BEND2: variants seen among roughly 807,000 people sequenced by gnomAD.
BEND2 encodes BEN domain containing 2, also known as BEN domain-containing protein 2.
In BEND2, 19 loss-of-function variants were observed where a neutral mutation model predicts 43.8. The observed-to-expected ratio is 0.43, with a 90% CI of 0.30 to 0.64. The LOEUF (loss-of-function observed/expected upper bound fraction) is 0.64, where lower values mean the gene tolerates loss of function less well. BEND2 is among the 30% of genes least tolerant of loss of function. The pLI, the probability that BEND2 is intolerant of heterozygous loss-of-function variation, is 0.11. For synonymous variants in BEND2, 226 were observed against 210.1 expected (o/e 1.08, Z -0.66); for missense variants, 544 against 574.0 (o/e 0.95, Z 0.53).
At chrX:18,216,003 TAATG>T (rs1925662902) in intron 2 of BEND2, among the ~76,000 whole-genome samples, 1 of 111,965 alleles carries the variant, frequency 8.9e-6, no homozygotes, top group African/African-American at 3.2e-5. Context: ...TCTTGGATGC[TAATG>T]TAAATTTCAA....
At chrX:18,201,592 A>G (rs945598298) in intron 6 of BEND2, among the ~76,000 whole-genome samples, 2 of 107,523 alleles carry the variant, frequency 1.9e-5, no homozygotes, top group African/African-American at 6.7e-5. Flanking sequence ...TCTGGGTTCA[A>G]GTGATTCTCC....
chrX:18,196,175 T>G (rs1278781344), intron 6 of BEND2, among the ~76,000 whole-genome samples: 1 of 109,071 alleles, frequency 9.2e-6, no homozygotes, highest in Non-Finnish European at 1.9e-5. Context: ...GGTGGGTGCC[T>G]GTAATCCCAG....
intron 4 of BEND2, among the ~76,000 whole-genome samples, chrX:18,212,081 T>C (rs1925520242): frequency 1.0e-5 from 1 of 98,959 alleles, no homozygotes; most frequent in Non-Finnish European, 2.0e-5. Context: ...GATGAAAATG[T>C]TTATTACTGT....
chrX:18,177,054 A>C (rs1017613634), intron 10 of BEND2, among the ~76,000 whole-genome samples: 2 of 110,673 alleles, frequency 1.8e-5, no homozygotes, highest in African/African-American at 6.6e-5. Flanking sequence ...AGCTCCTCAT[A>C]GGCAGAAACA....
intron 2 of BEND2, among the ~76,000 whole-genome samples, chrX:18,214,180 G>C (rs953699469): frequency 9.0e-6 from 1 of 111,106 alleles, no homozygotes; most frequent in Non-Finnish European, 1.9e-5. Context: ...AGCTACACAG[G>C]AGCTGAGCCA....
Position 18,174,211 on chromosome X carries a change from T to C in BEND2, c.1800A>G (p.Ala600=), listed in dbSNP as rs1884402708. Residue 600 remains alanine (A), a synonymous_variant, in exon 12 of 14, where the codon GCA becomes GCG. Coordinates refer to ENST00000380033, the MANE Select transcript of BEND2 (RefSeq NM_153346.5). ...CCCTTTGGTCATTTCTATCTGCAGATGCCGATGCAACACGGTTGGTACGTT... is the reference window on the plus strand; with the variant it reads ...CCCTTTGGTCATTTCTATCTGCAGACGCCGATGCAACACGGTTGGTACGTT... ...NKKRTNRVAS[A]SADRNDQRGR... 8.3e-7 allele frequency: 1 copy of C among 1,211,929 alleles called. No homozygotes were observed. Among genetic ancestry groups the C allele is most frequent in the Non-Finnish European group, 1.1e-6 (1 of 895,519 alleles).
At chrX:18,190,766 TCA>T (rs1300015009) in intron 8 of BEND2, among the ~76,000 whole-genome samples, 22 of 92,967 alleles carry the variant, frequency 2.4e-4, no homozygotes, top group South Asian at 1.1e-3. Context: ...TCTCTCTCTC[TCA>T]CACACACACA....
At chrX:18,218,689 CCT>C (rs755582303) in intron 1 of BEND2, among the ~76,000 whole-genome samples, 332 of 111,803 alleles carry the variant, frequency 3.0e-3, no homozygotes, top group Non-Finnish European at 4.3e-3. Context: ...ACAGTGAAAC[CCT>C]GTCTCTACCA....
At position 18,209,507 on chromosome X, in the gene BEND2, T is replaced by A. The variant is rs192841456; in HGVS notation, c.492+3058A>T. On this transcript the variant is annotated intron_variant, in intron 4 of 13. Transcript: ENST00000380033. ...AAGTGATCAATGTTAACATCACCAA[T>A]AAAAAAAATATCAACACCACCTATC... Among the ~76,000 whole-genome samples, 741 of 111,079 alleles carry A rather than the reference T, an allele frequency of 6.7e-3. 3 individuals carry two copies. The highest frequency in any genetic ancestry group is 0.012 in the Non-Finnish European group (612 of 52,861).
At chrX:18,170,020 T>C (rs1923927271) in intron 13 of BEND2, among the ~76,000 whole-genome samples, 1 of 112,077 alleles carries the variant, frequency 8.9e-6, no homozygotes, top group Admixed American at 9.5e-5. Flanking sequence ...CATTTCAGAA[T>C]TGCCTACAAA....
In BEND2 at chrX:18,190,762, T is replaced by A. The variant is rs868248804; in HGVS notation, c.1288+239A>T. Among the ~76,000 whole-genome samples, 476 of 87,667 alleles carry A rather than the reference T, an allele frequency of 5.4e-3. 2 individuals are homozygous for A. Among genetic ancestry groups the A allele is most frequent in the African/African-American group, 0.019 (446 of 23,192 alleles). 76.1% of individuals were successfully genotyped at this position (87,667 alleles called of 115,157 possible). A position where few individuals can be genotyped will look rare whatever the true frequency, so the allele number is the denominator to read the frequency against. The stretch of plus-strand genomic sequence containing the variant: ...TATACTCTCTCTCTCTCTCTCTCTC[T>A]CTCTCACACACACACACACACACAC... On this transcript the variant is annotated intron_variant, in intron 8 of 13. Coordinates refer to ENST00000380033, the MANE Select transcript of BEND2 (RefSeq NM_153346.5).
intron 4 of BEND2, among the ~76,000 whole-genome samples, chrX:18,211,241 C>A (rs2080886660): frequency 1.8e-5 from 2 of 111,631 alleles, no homozygotes; most frequent in South Asian, 7.5e-4. Context: ...GTTTAATAAT[C>A]TATTTTATTC....
At chrX:18,193,549 T>C (rs1924845370) in intron 7 of BEND2, among the ~76,000 whole-genome samples, 1 of 111,453 alleles carries the variant, frequency 9.0e-6, no homozygotes, top group Non-Finnish European at 1.9e-5. Context: ...TGTGATGTTC[T>C]GTTACAGTTT....
intron 10 of BEND2, 47 bp downstream of exon 10, chrX:18,177,522 A>C: frequency 1.8e-6 from 2 of 1,120,263 alleles, no homozygotes; most frequent in Non-Finnish European, 2.5e-6. Context: ...TATATGACCA[A>C]ATGATGATTA....
chrX:18,214,078 A>G (rs185652563), intron 2 of BEND2, among the ~76,000 whole-genome samples, 167 bp from the exon 3 acceptor site: 1 of 111,756 alleles, frequency 8.9e-6, no homozygotes, highest in East Asian at 2.8e-4. Flanking sequence ...GGAACTATAC[A>G]GCAGTGAGAA....
intron 13 of BEND2, among the ~76,000 whole-genome samples, chrX:18,165,958 G>A (rs1472240466): frequency 8.9e-6 from 1 of 111,906 alleles, no homozygotes; most frequent in Non-Finnish European, 1.9e-5. Context: ...TTTTTCAATA[G>A]GGTTAATAGG....
chrX:18,185,537 AAT>A (rs1924538754), intron 8 of BEND2, among the ~76,000 whole-genome samples: 1 of 3,383 alleles, frequency 3.0e-4, no homozygotes, highest in Admixed American at 6.5e-3. Context: ...TCGCAAAAAT[AAT>A]AATAATAATA....
At chrX:18,205,745 A>G (rs993992457) in intron 4 of BEND2, among the ~76,000 whole-genome samples, 2 of 111,085 alleles carry the variant, frequency 1.8e-5, no homozygotes, top group African/African-American at 6.6e-5. Flanking sequence ...AAAGTGGTCC[A>G]CAAACTGGCA....
intron 4 of BEND2, among the ~76,000 whole-genome samples, chrX:18,212,187 G>A (rs892769050): frequency 9.6e-6 from 1 of 104,133 alleles, no homozygotes; most frequent in Non-Finnish European, 2.0e-5. Context: ...CTCCGCCTCC[G>A]GGGTTCAAGC....
Sources: allele counts gnomAD v4.1 joint callset (sites outside exome capture counted in the v4.1 genomes callset), GRCh38; gene constraint gnomAD v4.1.1; transcripts MANE v1.5; gene names NCBI Gene and HGNC (gene_info 2026-07-23, HGNC 2026-07-21).